OTOGL: variants seen among roughly 807,000 people sequenced by gnomAD.
The protein encoded by OTOGL is otogelin-like protein.
A neutral mutation model predicts 318.5 loss-of-function variants in OTOGL; 285 were observed. The ratio of observed to expected loss-of-function variants is 0.89; its 90% CI spans 0.81 to 0.99. The LOEUF is 0.99. Among genes scored for constraint, OTOGL ranks in the 50% least tolerant of loss-of-function variants. The probability of loss-of-function intolerance (pLI) is 0.00; values close to 1 mark genes in which losing one functional copy is unlikely to be tolerated. For synonymous variants in OTOGL, 987 were observed against 936.5 expected, an observed-to-expected ratio of 1.05 and a Z score of -0.99; for missense variants, 2,899 against 2,845.6, an observed-to-expected ratio of 1.02 and a Z score of -0.43.
intron 58 of OTOGL, among the ~76,000 whole-genome samples, 163 bp downstream of exon 58, chr12:80,377,365 G>A (rs1309067313): frequency 1.3e-5 from 2 of 152,100 alleles, no homozygotes; most frequent in Non-Finnish European, 2.9e-5. Context: ...TTGTGAAGAA[G>A]TATGAATTAT....
At chr12:80,255,904 C>T (rs752051597) in intron 16 of OTOGL, among the ~76,000 whole-genome samples, 6 of 151,694 alleles carry the variant, frequency 4.0e-5, no homozygotes, top group Non-Finnish European at 8.8e-5. Flanking sequence ...TCTGAATTAA[C>T]TTTCTGTGTA....
At chr12:80,266,056 T>C (rs1167892818) in intron 20 of OTOGL, 1 of 157,136 alleles carries the variant, frequency 6.4e-6, no homozygotes, top group Non-Finnish European at 1.4e-5. Context: ...TTACAACCAC[T>C]GGGTCTCCTG....
chr12:80,347,899 G>T (rs879387557), intron 44 of OTOGL, among the ~76,000 whole-genome samples: 5 of 152,032 alleles, frequency 3.3e-5, no homozygotes, highest in African/African-American at 7.2e-5. Flanking sequence ...TCATATGTTT[G>T]TTGGCCGCAT....
At chr12:80,274,412 ACT>A (rs1883640684) in intron 24 of OTOGL, among the ~76,000 whole-genome samples, 1 of 152,000 alleles carries the variant, frequency 6.6e-6, no homozygotes, top group Non-Finnish European at 1.5e-5. Flanking sequence ...CAAGGCTTTA[ACT>A]CTTTTCAATT....
Position 80,125,507 on chromosome 12 carries a change from A to G in OTOGL, c.-20+25902A>G, listed in dbSNP as rs1003282385. On this transcript the variant is annotated intron_variant, in intron 1 of 58. Transcript: ENST00000547103. The stretch of plus-strand genomic sequence containing the variant: ...TATTGGTCTAAAATTCTCTTTTTTG[A>G]TTGTGTCTCTGCCAGGCTTTGGTAT... Among the ~76,000 whole-genome samples, 65 of 151,616 alleles carry G rather than the reference A, an allele frequency of 4.3e-4. 1 individual carries two copies. Among genetic ancestry groups the G allele is most frequent in the Non-Finnish European group, 5.6e-4 (38 of 67,848 alleles).
rs532029518 is a variant in OTOGL, at chr12:80,367,326, A to C, written c.6332-235A>C. ...AAAGTATAGCTTTTGGAGGAAGTTC[A>C]ATCATTAAACAGCAGTTGATTTTAT... On this transcript the variant is annotated intron_variant, in intron 53 of 58. Transcript: ENST00000547103. Among the ~76,000 whole-genome samples the C allele has an allele frequency of 3.3e-5, 5 of 152,236 alleles. No individual in the cohort carries two copies. The East Asian group carries it at 9.6e-4, about 29-fold the overall frequency.
chr12:80,190,252 C>T (rs914001460), intron 1 of OTOGL, among the ~76,000 whole-genome samples: 2 of 152,144 alleles, frequency 1.3e-5, no homozygotes, highest in Non-Finnish European at 2.9e-5. Flanking sequence ...GATGAAAGAG[C>T]TTCCCCAGTC....
chr12:80,351,688 A>G (rs1342479642), intron 44 of OTOGL, among the ~76,000 whole-genome samples: 4 of 152,332 alleles, frequency 2.6e-5, no homozygotes, highest in East Asian at 1.9e-4. Context: ...GAATTTAGAT[A>G]CTTAGTATGA....
At chr12:80,108,984 A>C in intron 1 of OTOGL, among the ~76,000 whole-genome samples, 2 of 145,396 alleles carry the variant, frequency 1.4e-5, no homozygotes, top group African/African-American at 2.6e-5. Context: ...TACGGTTATC[A>C]TTATTCTTTG....
At chr12:80,132,652 A>G (rs958457957) in intron 1 of OTOGL, 1 of 152,156 alleles carries the variant, frequency 6.6e-6, no homozygotes, top group African/African-American at 2.4e-5. Context: ...ATATTTTGCA[A>G]AATTTGCCTT....
chr12:80,101,150 A>C (rs1869112752), intron 1 of OTOGL, among the ~76,000 whole-genome samples: 1 of 152,184 alleles, frequency 6.6e-6, no homozygotes, highest in Non-Finnish European at 1.5e-5. Context: ...AAAGCACTTA[A>C]GATGTTCCTG....
chr12:80,358,310 C>A lies in OTOGL; in HGVS notation c.6082C>A (p.Leu2028Ile). ...CHDGEFLTVD[L>I]NSTHFCCPQY... is the part of the protein sequence containing the mutation. ...TGATGGGGAATTTCTCACAGTAGAT[C>A]TTAATAGCACACACTTCTGTTGTCC... The change falls in exon 50 of 59, where the codon CTT (leucine) becomes ATT (isoleucine). Residue 2028 changes from leucine (L) to isoleucine (I), a missense_variant. Around this residue, in one of 3 missense-constraint regions of OTOGL, gnomAD observed 2,607 missense variants for 2,524.9 expected, o/e 1.03. Coordinates refer to ENST00000547103, the MANE Select transcript of OTOGL (RefSeq NM_001378609.3). 1 of 1,609,890 alleles carries A rather than the reference C, an allele frequency of 6.2e-7. No individual in the cohort carries two copies. Among genetic ancestry groups the A allele is most frequent in the Non-Finnish European group, 8.5e-7 (1 of 1,177,102 alleles).
rs187871992 is a variant in OTOGL at position 80,360,306 on chromosome 12, A to G, written c.6267+1406A>G. Among the ~76,000 whole-genome samples, 697 of 150,956 alleles carry G rather than the reference A, an allele frequency of 4.6e-3. 1 individual carries two copies. The highest frequency in any genetic ancestry group is 0.01 in the Middle Eastern group (3 of 292). Reference sequence around the variant, plus strand: ...CTGACCTAGCCCTTTTCTACTTTCTATCTTTTTTCTGGGACACATAGGTTG... The same window carrying G: ...CTGACCTAGCCCTTTTCTACTTTCTGTCTTTTTTCTGGGACACATAGGTTG... On this transcript the variant is annotated intron_variant, in intron 52 of 58. Transcript: ENST00000547103.
chr12:80,162,976 G>T (rs958353824), intron 1 of OTOGL, among the ~76,000 whole-genome samples: 1 of 151,840 alleles, frequency 6.6e-6, no homozygotes, highest in Non-Finnish European at 1.5e-5. Flanking sequence ...AATAATCAAT[G>T]GAAAGATGAT....
intron 26 of OTOGL, among the ~76,000 whole-genome samples, chr12:80,282,986 A>G (rs1884347123): frequency 6.6e-6 from 1 of 151,988 alleles, no homozygotes; most frequent in South Asian, 2.1e-4. Flanking sequence ...GAGGAGCACC[A>G]TGCTGGGAAC....
At chr12:80,144,446 GGTCTATCATTGT>G (rs1872189471) in intron 1 of OTOGL, among the ~76,000 whole-genome samples, 2 of 145,564 alleles carry the variant, frequency 1.4e-5, no homozygotes, top group African/African-American at 5.3e-5. Context: ...TTCTTAATCC[GGTCTATCATTGT>G]TGGACATTTG....
intron 1 of OTOGL, among the ~76,000 whole-genome samples, chr12:80,131,547 C>A (rs1336339915): frequency 6.6e-6 from 1 of 152,150 alleles, no homozygotes; most frequent in Non-Finnish European, 1.5e-5. Context: ...TGAGAATCAC[C>A]TGCATGTTTT....
chr12:80,223,275 A>G (rs922603274), intron 7 of OTOGL, among the ~76,000 whole-genome samples: 3 of 151,506 alleles, frequency 2.0e-5, no homozygotes, highest in South Asian at 2.1e-4. Context: ...ATATATATGT[A>G]TATATATATG....
rs769000538 is a variant in OTOGL, at chr12:80,356,795, T to C, written c.5912-12T>C. On this transcript the variant is annotated splice_polypyrimidine_tract_variant and intron_variant, in intron 48 of 58. Transcript: ENST00000547103. ...GCTATACAAATTTTCTAATGTAATTTTGTTTCTGCAGAATGTGACCCATTG... is the reference window on the plus strand; with the variant it reads ...GCTATACAAATTTTCTAATGTAATTCTGTTTCTGCAGAATGTGACCCATTG... The C allele has an allele frequency of 5.9e-6, 9 of 1,537,072 alleles. No individual in the cohort carries two copies. In the East Asian group the frequency reaches 2.1e-4, roughly 35 times the overall value.
Sources: allele counts gnomAD v4.1 joint callset (sites outside exome capture counted in the v4.1 genomes callset), GRCh38; gene constraint gnomAD v4.1.1; regional missense constraint gnomAD v4.1.1; transcripts MANE v1.5; gene names NCBI Gene and HGNC (gene_info 2026-07-23, HGNC 2026-07-21).